The following SLC2A13 variants were observed in gnomAD, a reference collection of about 807,000 sequenced individuals.
The protein encoded by SLC2A13 is solute carrier family 2 member 13, also known as proton myo-inositol cotransporter.
SLC2A13 carries 32 observed loss-of-function variants against 64.4 expected under a neutral mutation model. The observed-to-expected ratio is 0.50, with a 90% confidence interval of 0.37 to 0.67. The LOEUF (loss-of-function observed/expected upper bound fraction) is 0.67, where lower values mean the gene tolerates loss of function less well. SLC2A13 is among the 30% of genes least tolerant of loss of function. The probability of loss-of-function intolerance (pLI) is 0.00; values close to 1 mark genes in which losing one functional copy is unlikely to be tolerated. For missense variants in SLC2A13, 743 were observed against 829.2 expected, an observed-to-expected ratio of 0.90 and a Z score of 1.28; for synonymous variants, 338 against 327.1, an observed-to-expected ratio of 1.03 and a Z score of -0.36.
At chr12:40,100,029 T>C (rs984177272) in intron 1 of SLC2A13, among the ~76,000 whole-genome samples, 4 of 152,220 alleles carry the variant, frequency 2.6e-5, no homozygotes, top group Admixed American at 2.6e-4. Flanking sequence ...ATCTCAACAT[T>C]GCATTTTTTT....
At chr12:40,054,894 G>A (rs994868696) in intron 1 of SLC2A13, among the ~76,000 whole-genome samples, 2 of 152,192 alleles carry the variant, frequency 1.3e-5, no homozygotes, top group Non-Finnish European at 2.9e-5. Flanking sequence ...AGTAGCACAT[G>A]AAGCTACCTT....
intron 1 of SLC2A13, among the ~76,000 whole-genome samples, chr12:40,061,283 G>C (rs1948416909): frequency 6.6e-6 from 1 of 152,048 alleles, no homozygotes; most frequent in African/African-American, 2.4e-5. Flanking sequence ...AGGGCAATCA[G>C]TCTGGACTTA....
intron 1 of SLC2A13, among the ~76,000 whole-genome samples, chr12:40,055,142 T>C (rs947789875): frequency 6.6e-6 from 1 of 152,186 alleles, no homozygotes; most frequent in African/African-American, 2.4e-5. Context: ...AATTTAGAAT[T>C]CAGTTTCTAC....
chr12:39,835,618 T>C (rs1942984139), intron 6 of SLC2A13: 1 of 152,124 alleles, frequency 6.6e-6, no homozygotes, highest in African/African-American at 2.4e-5. Flanking sequence ...TAACATACAA[T>C]GCTCTTTACT....
At chr12:39,826,114 C>T (rs1473902557) in intron 7 of SLC2A13, among the ~76,000 whole-genome samples, 1 of 151,998 alleles carries the variant, frequency 6.6e-6, no homozygotes, top group Non-Finnish European at 1.5e-5. Flanking sequence ...TATAAGCTTA[C>T]TGAATTTACT....
At chr12:39,782,750 T>C (rs1941039756) in intron 7 of SLC2A13, among the ~76,000 whole-genome samples, 1 of 152,136 alleles carries the variant, frequency 6.6e-6, no homozygotes, top group African/African-American at 2.4e-5. Flanking sequence ...TAAAGACATG[T>C]TGAATGGCTT....
intron 3 of SLC2A13, among the ~76,000 whole-genome samples, chr12:40,022,184 C>T (rs1035047684): frequency 3.3e-5 from 5 of 152,202 alleles, no homozygotes; most frequent in Admixed American, 3.3e-4. Context: ...TCTTGCTTTC[C>T]AGGCTAGAGA....
chr12:39,859,448 C>T lies in SLC2A13; in HGVS notation c.1319+5314G>A, dbSNP rs150669795. On this transcript the variant is annotated intron_variant, in intron 6 of 9. Transcript: ENST00000280871. ...ATGCCACTGTCCTGGTGAGGCTGAC[C>T]GCTGGAAAGGGAAAACAGGTGACTT... Among the ~76,000 whole-genome samples the T allele has an allele frequency of 5.9e-3, 899 of 151,650 alleles. 3 individuals carry two copies. The highest frequency in any genetic ancestry group is 0.014 in the Middle Eastern group (4 of 294).
intron 4 of SLC2A13, among the ~76,000 whole-genome samples, chr12:39,931,930 T>C (rs995074205): frequency 1.3e-4 from 20 of 152,116 alleles, no homozygotes; most frequent in Admixed American, 2.6e-4. Flanking sequence ...CCTAATATCA[T>C]AGTTTTATTG....
At position 39,967,034 on chromosome 12, in the gene SLC2A13, G is replaced by C. The variant is rs545701381; in HGVS notation, c.926-15669C>G. On this transcript the variant is annotated intron_variant, in intron 3 of 9. Coordinates refer to ENST00000280871, the MANE Select transcript of SLC2A13 (RefSeq NM_052885.4). Reference sequence around the variant, plus strand: ...CATGTCTGCAGTTACCATATGGTCAGTGGCAATCTGTGAAGGGAGTCAGGA... The same window carrying C: ...CATGTCTGCAGTTACCATATGGTCACTGGCAATCTGTGAAGGGAGTCAGGA... 2.6e-5 allele frequency among the ~76,000 whole-genome samples: 4 copies of C among 152,240 alleles called. No homozygotes were observed. In the East Asian group the frequency reaches 7.7e-4, roughly 29 times the overall value.
Position 39,828,766 on chromosome 12 carries a change from AC to A in SLC2A13, c.1445+1336del, listed in dbSNP as rs1301363914. On this transcript the variant is annotated intron_variant, in intron 7 of 9. Coordinates refer to ENST00000280871, the MANE Select transcript of SLC2A13 (RefSeq NM_052885.4). Reference sequence around the variant, plus strand: ...AAACTCTAAAGGTTTAAAGCTGTGAACAAGTACATCTAGAAATATTTAATCA... The same window carrying A: ...AAACTCTAAAGGTTTAAAGCTGTGAAAAGTACATCTAGAAATATTTAATCA... Among the ~76,000 whole-genome samples, 29 of 152,238 alleles carry A rather than the reference AC, an allele frequency of 1.9e-4. No individual in the cohort carries two copies. The East Asian group carries it at 5.4e-3, about 28-fold the overall frequency.
At chr12:39,923,668 GTATA>G (rs72398744) in intron 4 of SLC2A13, among the ~76,000 whole-genome samples, 22 of 106,516 alleles carry the variant, frequency 2.1e-4, no homozygotes, top group South Asian at 6.5e-4. Flanking sequence ...GTGATTATAT[GTATA>G]TATATATATA....
chr12:40,094,634 G>C (rs937624353), intron 1 of SLC2A13, among the ~76,000 whole-genome samples: 2 of 152,138 alleles, frequency 1.3e-5, no homozygotes, highest in Admixed American at 6.5e-5. Context: ...AAGGATGAGA[G>C]CCTGTCTGGA....
intron 3 of SLC2A13, among the ~76,000 whole-genome samples, chr12:39,980,280 A>G (rs1366791560): frequency 6.6e-6 from 1 of 152,150 alleles, no homozygotes; most frequent in East Asian, 1.9e-4. Flanking sequence ...AAGCAAAATC[A>G]CCAGTTAACA....
chr12:40,025,377 T>G (rs1300838974), intron 3 of SLC2A13, among the ~76,000 whole-genome samples: 1 of 152,214 alleles, frequency 6.6e-6, no homozygotes, highest in African/African-American at 2.4e-5. Context: ...TAGCTAGGCC[T>G]ATTTTCCTCA....
At chr12:39,896,887 C>T (rs553390949) in intron 4 of SLC2A13, among the ~76,000 whole-genome samples, 2 of 152,140 alleles carry the variant, frequency 1.3e-5, no homozygotes, top group South Asian at 2.1e-4. Flanking sequence ...AGTGAAAACA[C>T]GTGTCCTTTT....
intron 2 of SLC2A13, among the ~76,000 whole-genome samples, chr12:40,036,139 A>T (rs1170066163): frequency 6.6e-6 from 1 of 152,180 alleles, no homozygotes; most frequent in African/African-American, 2.4e-5. Context: ...ATCAAACAAA[A>T]TAGGATTCTT....
intron 6 of SLC2A13, among the ~76,000 whole-genome samples, chr12:39,857,236 A>C (rs1223552263): frequency 6.6e-6 from 1 of 152,234 alleles, no homozygotes; most frequent in Non-Finnish European, 1.5e-5. Flanking sequence ...ATTACCTTTC[A>C]AATAAGGATA....
At chr12:39,829,842 C>T (rs1267330860) in intron 7 of SLC2A13, 1 of 420,146 alleles carries the variant, frequency 2.4e-6, no homozygotes, top group Non-Finnish European at 4.3e-6. Context: ...GAATAGCTGC[C>T]TAAAACTAAA....
Sources: gnomAD v4.1 joint callset for allele counts (sites outside exome capture counted in the v4.1 genomes callset) on GRCh38, gnomAD v4.1.1 for gene constraint, MANE v1.5 for transcripts, NCBI Gene and HGNC (gene_info 2026-07-23, HGNC 2026-07-21) for gene names.